The following CACNB2 variants were observed in gnomAD, a reference collection of about 807,000 sequenced individuals.
CACNB2 encodes the protein voltage-dependent L-type calcium channel subunit beta-2.
CACNB2 carries 42 observed loss-of-function variants against 73.3 expected under a neutral mutation model. That is an observed-to-expected ratio of 0.57 (90% CI 0.45 to 0.74). CACNB2 has a LOEUF of 0.74. Among genes scored for constraint, CACNB2 ranks in the 30% least tolerant of loss-of-function variants. CACNB2 has a pLI of 0.00. For synonymous variants in CACNB2, 348 were observed against 310.3 expected (o/e 1.12, Z -1.28); for missense variants, 940 against 853.0 (o/e 1.10, Z -1.27).
At chr10:18,517,588 A>T (rs2051407332) in intron 7 of CACNB2, among the ~76,000 whole-genome samples, 2 of 152,312 alleles carry the variant, frequency 1.3e-5, no homozygotes, top group African/African-American at 2.4e-5. Flanking sequence ...AGACCACAAT[A>T]GCATGGTTGA....
intron 2 of CACNB2, among the ~76,000 whole-genome samples, chr10:18,237,498 G>A (rs2036491860): frequency 6.6e-6 from 1 of 152,148 alleles, no homozygotes; most frequent in African/African-American, 2.4e-5. Context: ...TGTAGAACAA[G>A]TTCTCCCCTA....
At chr10:18,500,582 C>A (rs2050139224) in intron 4 of CACNB2, among the ~76,000 whole-genome samples, 1 of 152,156 alleles carries the variant, frequency 6.6e-6, no homozygotes, top group Non-Finnish European at 1.5e-5. Context: ...CAGCCTGGTC[C>A]TACGGCAGCA....
chr10:18,303,168 C>T (rs1327885705), intron 2 of CACNB2, among the ~76,000 whole-genome samples: 1 of 151,898 alleles, frequency 6.6e-6, no homozygotes, highest in African/African-American at 2.4e-5. Flanking sequence ...CATGGCTGTG[C>T]GGGAGTGCTG....
At chr10:18,209,659 C>T (rs2035238682) in intron 2 of CACNB2, among the ~76,000 whole-genome samples, 1 of 152,030 alleles carries the variant, frequency 6.6e-6, no homozygotes, top group Admixed American at 6.6e-5. Context: ...GTAGCATACC[C>T]AAACTTGATG....
intron 3 of CACNB2, among the ~76,000 whole-genome samples, chr10:18,496,615 C>G (rs2049832302): frequency 6.6e-6 from 1 of 151,836 alleles, no homozygotes; most frequent in African/African-American, 2.4e-5. Flanking sequence ...GAGTTCAAGA[C>G]CAGCCTGACC....
rs1242393376 is a variant in CACNB2 at position 18,430,476 on chromosome 10, A to G, written c.333+28433A>G. Among the ~76,000 whole-genome samples, 5 of 152,240 alleles carry G rather than the reference A, an allele frequency of 3.3e-5. No homozygotes were observed. The South Asian group carries it at 6.2e-4, about 19-fold the overall frequency. ...CCTGTCTCTTAAAAAAAAAAAATTA[A>G]TTAATTAACTGGGTGTGGTGGTGGA... On this transcript the variant is annotated intron_variant, in intron 3 of 13. Transcript: ENST00000324631.
At chr10:18,397,404 A>T (rs893447275) in intron 2 of CACNB2, among the ~76,000 whole-genome samples, 1 of 151,974 alleles carries the variant, frequency 6.6e-6, no homozygotes, top group Admixed American at 6.5e-5. Context: ...GACAGAGGTT[A>T]CAGTGAGGCA....
In CACNB2 at chr10:18,207,465, G is replaced by A. The variant is rs146118297; in HGVS notation, c.213+56490G>A. On this transcript the variant is annotated intron_variant, in intron 2 of 13. Coordinates refer to ENST00000324631, the MANE Select transcript of CACNB2 (RefSeq NM_201596.3). ...ATATCAGAACTATCCATGGTTTCAG[G>A]CATCCACCAGAGGTCTTGGAAGGCA... Among the ~76,000 whole-genome samples, 478 of 152,298 alleles carry A rather than the reference G, an allele frequency of 3.1e-3. 1 individual carries two copies. Among genetic ancestry groups the A allele is most frequent in the Non-Finnish European group, 3.9e-3 (263 of 68,016 alleles).
At chr10:18,372,464 A>G (rs910266751) in intron 2 of CACNB2, among the ~76,000 whole-genome samples, 1 of 152,130 alleles carries the variant, frequency 6.6e-6, no homozygotes, top group African/African-American at 2.4e-5. Context: ...CTAGAGTGCA[A>G]CGGAGTATCT....
intron 2 of CACNB2, among the ~76,000 whole-genome samples, chr10:18,366,579 C>G: frequency 6.6e-6 from 1 of 151,846 alleles, no homozygotes; most frequent in Admixed American, 6.6e-5. Flanking sequence ...CAGAGTGGCT[C>G]ACGCCTGTAA....
chr10:18,279,043 G>T (rs1313018321), intron 2 of CACNB2, among the ~76,000 whole-genome samples: 1 of 152,038 alleles, frequency 6.6e-6, no homozygotes, highest in African/African-American at 2.4e-5. Context: ...AGTATGTTTT[G>T]GTTTGAAATT....
At chr10:18,416,102 C>A (rs1564524510) in intron 3 of CACNB2, among the ~76,000 whole-genome samples, 1 of 152,132 alleles carries the variant, frequency 6.6e-6, no homozygotes, top group South Asian at 2.1e-4. Context: ...TTCCTTCCAT[C>A]TTACTGTATG....
At chr10:18,423,392 A>G (rs752507124) in intron 3 of CACNB2, among the ~76,000 whole-genome samples, 1 of 152,216 alleles carries the variant, frequency 6.6e-6, no homozygotes, top group Non-Finnish European at 1.5e-5. Flanking sequence ...AGGAAGATAT[A>G]GTAGGAGGTG....
intron 2 of CACNB2, among the ~76,000 whole-genome samples, chr10:18,253,065 G>C (rs1480160601): frequency 1.3e-5 from 2 of 152,180 alleles, no homozygotes; most frequent in Non-Finnish European, 2.9e-5. Flanking sequence ...ATTGCCTTGA[G>C]CAACTTACTT....
chr10:18,500,116 A>G (rs1462118856), intron 4 of CACNB2, among the ~76,000 whole-genome samples: 5 of 152,238 alleles, frequency 3.3e-5, no homozygotes, highest in Admixed American at 3.3e-4. Context: ...AAGTTAGATT[A>G]TTATGAGGTC....
intron 2 of CACNB2, among the ~76,000 whole-genome samples, chr10:18,270,977 A>G (rs983215460): frequency 6.6e-6 from 1 of 152,138 alleles, no homozygotes; most frequent in African/African-American, 2.4e-5. Flanking sequence ...TCATTATAAT[A>G]TGTCGTTTTG....
At chr10:18,499,087 G>A (rs746705097) in intron 4 of CACNB2, among the ~76,000 whole-genome samples, 2 of 152,160 alleles carry the variant, frequency 1.3e-5, no homozygotes, top group Non-Finnish European at 2.9e-5. Context: ...ATTAAGGTTT[G>A]TTTGGAGTCA....
At chr10:18,455,247 G>A (rs1383717072) in intron 3 of CACNB2, among the ~76,000 whole-genome samples, 3 of 152,152 alleles carry the variant, frequency 2.0e-5, no homozygotes, top group Non-Finnish European at 4.4e-5. Flanking sequence ...AACATGTGGG[G>A]GCTGGTTGAC....
intron 2 of CACNB2, among the ~76,000 whole-genome samples, chr10:18,397,811 G>C (rs1345598516): frequency 6.6e-6 from 1 of 151,742 alleles, no homozygotes; most frequent in Non-Finnish European, 1.5e-5. Context: ...TTTCCTATGA[G>C]CAATGAACCC....
Sources: gnomAD v4.1 joint callset for allele counts (sites outside exome capture counted in the v4.1 genomes callset) on GRCh38, gnomAD v4.1.1 for gene constraint, MANE v1.5 for transcripts, NCBI Gene and HGNC (gene_info 2026-07-23, HGNC 2026-07-21) for gene names.